Variants in CCDC171 observed in about 807,000 individuals in gnomAD.
CCDC171 encodes the protein coiled-coil domain-containing protein 171.
Under a neutral mutation model 168.2 loss-of-function variants are expected in CCDC171, and 177 were observed. That is an observed-to-expected ratio of 1.05 (90% CI 0.93 to 1.19). CCDC171 has a LOEUF of 1.19. Among genes scored for constraint, CCDC171 ranks in the 50% most tolerant of loss-of-function variants. The pLI is 0.00. For synonymous variants in CCDC171, 687 were observed against 540.8 expected (o/e 1.27, Z -3.75); for missense variants, 1,991 against 1,539.0 (o/e 1.29, Z -4.91).
intron 3 of CCDC171, among the ~76,000 whole-genome samples, chr9:15,991,878 G>T (rs1382543072): frequency 6.6e-6 from 1 of 152,158 alleles, no homozygotes; most frequent in African/African-American, 2.4e-5. Flanking sequence ...GACTAAATCA[G>T]GGAGAAGTTG....
chr9:15,848,867 AAC>A (rs771205754), intron 22 of CCDC171, 24 bp from the exon 23 acceptor site: 1 of 1,424,198 alleles, frequency 7.0e-7, no homozygotes, highest in East Asian at 2.4e-5. Flanking sequence ...GAGTTTTACT[AAC>A]ACTTAATCTT....
intron 7 of CCDC171, among the ~76,000 whole-genome samples, chr9:15,651,595 G>A (rs912937978): frequency 2.0e-5 from 3 of 151,982 alleles, no homozygotes; most frequent in Non-Finnish European, 4.4e-5. Flanking sequence ...GAGTGAGAAC[G>A]TGCGATATTT....
chr9:16,067,518 T>C, the CCDC171 span, among the ~76,000 whole-genome samples: 1 of 152,252 alleles, frequency 6.6e-6, no homozygotes, highest in Non-Finnish European at 1.5e-5. Flanking sequence ...TTTGGTGTTT[T>C]AGACATGAAG....
chr9:15,610,743 G>A (rs746052701), intron 6 of CCDC171, among the ~76,000 whole-genome samples: 10 of 151,986 alleles, frequency 6.6e-5, no homozygotes, highest in Admixed American at 3.3e-4. Context: ...GTTCTTTGTA[G>A]ACACAGGGTC....
intron 25 of CCDC171, among the ~76,000 whole-genome samples, chr9:15,931,304 C>T (rs1293105384): frequency 6.6e-6 from 1 of 151,668 alleles, no homozygotes; most frequent in Non-Finnish European, 1.5e-5. Context: ...GGTGATATCT[C>T]ATTGTGGTTT....
At chr9:15,939,121 A>C (rs1827434349) in intron 25 of CCDC171, among the ~76,000 whole-genome samples, 1 of 151,210 alleles carries the variant, frequency 6.6e-6, no homozygotes, top group African/African-American at 2.4e-5. Context: ...AAAATGGCCC[A>C]AGAAGGAGTT....
At chr9:16,065,219 T>C (rs1833978409), downstream of CCDC171, among the ~76,000 whole-genome samples, 1 of 152,182 alleles carries the variant, frequency 6.6e-6, no homozygotes, top group African/African-American at 2.4e-5. Context: ...ATTCTACCAT[T>C]AAGTCTCAGA....
rs555775499 is a variant in CCDC171 at position 15,782,228 on chromosome 9, G to A, written c.3082-2281G>A. 5.5e-4 allele frequency among the ~76,000 whole-genome samples: 84 copies of A among 152,274 alleles called. 1 individual carries two copies. Among genetic ancestry groups the A allele is most frequent in the African/African-American group, 1.6e-3 (65 of 41,560 alleles). On this transcript the variant is annotated intron_variant, in intron 20 of 25. Transcript: ENST00000380701. ...TATGAAGGGAAACATCCTGCTCACC[G>A]AAAGCTATTTAGTACTTTAATGGTT... is the stretch of plus-strand genomic sequence containing the variant.
At chr9:15,750,915 G>C (rs1373658214) in intron 18 of CCDC171, among the ~76,000 whole-genome samples, 1 of 152,144 alleles carries the variant, frequency 6.6e-6, no homozygotes, top group East Asian at 1.9e-4. Flanking sequence ...CACAGTATTG[G>C]AAGTTCTGGC....
At chr9:15,885,716 C>T (rs533996528) in intron 24 of CCDC171, 21 of 152,158 alleles carry the variant, frequency 1.4e-4, no homozygotes, top group Middle Eastern at 3.4e-3. Flanking sequence ...AAATTGATGC[C>T]GCTTATATAA....
intron 2 of CCDC171, among the ~76,000 whole-genome samples, chr9:15,569,847 A>AAAACAAAC (rs1491240573): frequency 1.6e-4 from 7 of 43,850 alleles, no homozygotes; most frequent in African/African-American, 4.7e-4. Flanking sequence ...ACAAACAAAC[A>AAAACAAAC]AAAAAAAAAT....
Position 15,941,155 on chromosome 9 carries a change from T to TAAC in CCDC171, c.3753+20738_3753+20740dup, listed in dbSNP as rs538383992. On this transcript the variant is annotated intron_variant, in intron 25 of 25. Transcript: ENST00000380701. The stretch of plus-strand genomic sequence containing the variant: ...GACTATTGCAGAGGATTCAGATCAT[T>TAAC]AACAACAGTAATAGCATATGTTTCA... Among the ~76,000 whole-genome samples the TAAC allele has an allele frequency of 3.1e-3, 472 of 152,096 alleles. 2 individuals are homozygous for TAAC. The highest frequency in any genetic ancestry group is 0.011 in the African/African-American group (448 of 41,532).
chr9:16,097,600 C>G, the CCDC171 span, among the ~76,000 whole-genome samples: 1 of 152,172 alleles, frequency 6.6e-6, no homozygotes, highest in Admixed American at 6.5e-5. Flanking sequence ...AGCAAGCATA[C>G]TATCTCAAAA....
At chr9:15,842,251 T>A (rs559473336) in intron 21 of CCDC171, among the ~76,000 whole-genome samples, 1 of 152,068 alleles carries the variant, frequency 6.6e-6, no homozygotes, top group East Asian at 1.9e-4. Context: ...AAAAGCAATA[T>A]CCCCTGGGGC....
chr9:15,704,860 CTCTAACCCTGGCCT>C (rs1385291399), intron 11 of CCDC171, among the ~76,000 whole-genome samples: 1 of 152,066 alleles, frequency 6.6e-6, no homozygotes, highest in African/African-American at 2.4e-5. Flanking sequence ...TTCCTAATGC[CTCTAACCCTGGCCT>C]TCTTGTGACT....
intron 3 of CCDC171, among the ~76,000 whole-genome samples, chr9:15,985,712 T>C (rs1045352555): frequency 4.6e-5 from 7 of 152,204 alleles, no homozygotes; most frequent in Admixed American, 3.3e-4. Flanking sequence ...CACCCAAAGA[T>C]GATAATTCAG....
the CCDC171 span, among the ~76,000 whole-genome samples, chr9:16,088,994 T>C: frequency 6.6e-6 from 1 of 152,144 alleles, no homozygotes; most frequent in Non-Finnish European, 1.5e-5. Flanking sequence ...AACAGCATGG[T>C]ACTGGTACCA....
chr9:15,615,680 G>A (rs900258966), intron 6 of CCDC171, among the ~76,000 whole-genome samples: 2 of 152,076 alleles, frequency 1.3e-5, no homozygotes, highest in Middle Eastern at 3.4e-3. Context: ...TAAACTTGGT[G>A]GAATAGTGGG....
chr9:15,707,209 C>T (rs902736945), intron 11 of CCDC171, among the ~76,000 whole-genome samples: 8 of 152,094 alleles, frequency 5.3e-5, no homozygotes, highest in South Asian at 2.1e-4. Flanking sequence ...CCAAACTTGC[C>T]GCACTTCATT....
Sources: allele counts gnomAD v4.1 joint callset (sites outside exome capture counted in the v4.1 genomes callset), GRCh38; gene constraint gnomAD v4.1.1; transcripts MANE v1.5; gene names NCBI Gene and HGNC (gene_info 2026-07-23, HGNC 2026-07-21).